The following SUN2 variants were observed in gnomAD, a reference collection of about 807,000 sequenced individuals.
SUN2 encodes the protein Sad1 and UNC84 domain containing 2, also known as SUN domain-containing protein 2.
A neutral mutation model predicts 100.0 loss-of-function variants in SUN2; 60 were observed. The ratio of observed to expected loss-of-function variants is 0.60; its 90% CI spans 0.49 to 0.74. SUN2 has a LOEUF of 0.74. Ranked by LOEUF, SUN2 falls within the 30% of genes least tolerant of loss-of-function variation. The pLI is 0.00. For synonymous variants in SUN2, 367 were observed against 403.3 expected, an observed-to-expected ratio of 0.91 and a Z score of 1.08; for missense variants, 834 against 954.6, an observed-to-expected ratio of 0.87 and a Z score of 1.66.
At position 38,737,695 on chromosome 22, in the gene SUN2, C is replaced by G. The variant is rs576632315; in HGVS notation, c.2040+478G>C. 8 of 357,312 alleles carry G rather than the reference C, an allele frequency of 2.2e-5. No individual in the cohort carries two copies. In the East Asian group the frequency reaches 5.9e-4, roughly 26 times the overall value. 22.1% of individuals were successfully genotyped at this position (357,312 alleles called of 1,614,324 possible). A position where few individuals can be genotyped will look rare whatever the true frequency, so the allele number is the denominator to read the frequency against. The stretch of plus-strand genomic sequence containing the variant: ...CAATGGTTTGTTCAAATGCAGGCTC[C>G]TGGGTCCTGTCAGCCCTAAGGAACC... On this transcript the variant is annotated intron_variant, in intron 17 of 17. Transcript: ENST00000689035. The surrounding 1 kb of genome is among the most constrained non-coding windows in gnomAD (Gnocchi z 4.1).
chr22:38,751,876 A>AG (rs1021838624), intron 2 of SUN2, among the ~76,000 whole-genome samples: 3 of 152,158 alleles, frequency 2.0e-5, no homozygotes, highest in Admixed American at 6.5e-5. Context: ...CGTCCAGAGC[A>AG]GGGGGGGTTC....
At chr22:38,748,018 A>T (rs1234961359) in intron 7 of SUN2, among the ~76,000 whole-genome samples, 1 of 151,766 alleles carries the variant, frequency 6.6e-6, no homozygotes, top group Non-Finnish European at 1.5e-5. Flanking sequence ...TGACTGGTGT[A>T]AAAAGAGGCA....
At chr22:38,753,739 C>T (rs1370956358) in intron 1 of SUN2, among the ~76,000 whole-genome samples, 1 of 152,118 alleles carries the variant, frequency 6.6e-6, no homozygotes, top group African/African-American at 2.4e-5. Flanking sequence ...TATCATTACT[C>T]CCATCTACAA....
intron 8 of SUN2, among the ~76,000 whole-genome samples, chr22:38,744,261 CAAAAAAAAAAAA>C (rs35027225): frequency 3.3e-5 from 2 of 60,708 alleles, no homozygotes; most frequent in Non-Finnish European, 6.4e-5. Context: ...GACTCTGTCT[CAAAAAAAAAAAA>C]AAAAAAAAAA....
chr22:38,746,505 G>T (rs938824358), intron 7 of SUN2, among the ~76,000 whole-genome samples: 2 of 152,186 alleles, frequency 1.3e-5, no homozygotes, highest in African/African-American at 4.8e-5. Flanking sequence ...AGCACCAGAG[G>T]TTGGCAGGTG....
intron 1 of SUN2, chr22:38,754,852 CCT>C (rs1330464631): frequency 2.0e-5 from 26 of 1,288,766 alleles, no homozygotes; most frequent in Non-Finnish European, 2.6e-5. Flanking sequence ...CCCAGAGATG[CCT>C]CTCAGTCTTT....
chr22:38,751,717 G>A (rs1209699544), intron 2 of SUN2, among the ~76,000 whole-genome samples: 1 of 152,254 alleles, frequency 6.6e-6, no homozygotes, highest in East Asian at 1.9e-4. Context: ...AGCCGGGCAG[G>A]ACGACCAGGC....
In SUN2 at chr22:38,737,021, AT is replaced by A. The variant is rs1336409493; in HGVS notation, c.2041-642del. On this transcript the variant is annotated intron_variant, in intron 17 of 17. Coordinates refer to ENST00000689035, the MANE Select transcript of SUN2 (RefSeq NM_015374.3). The surrounding 1 kb of genome is among the most constrained non-coding windows in gnomAD (Gnocchi z 4.1). ...ACCACACCCGGCTAAATTTTTTAAC[AT>A]TTTTTGTAGAGTCGGGATCTCGCTG... Among the ~76,000 whole-genome samples, 1 of 151,950 alleles carries A rather than the reference AT, an allele frequency of 6.6e-6. No homozygotes were observed. Among genetic ancestry groups the A allele is most frequent in the Non-Finnish European group, 1.5e-5 (1 of 67,968 alleles).
intron 6 of SUN2, 60 bp from the exon 7 acceptor site, chr22:38,748,843 C>A (rs1250180093): frequency 6.5e-7 from 1 of 1,531,224 alleles, no homozygotes; most frequent in Non-Finnish European, 9.1e-7. Flanking sequence ...CTCCAGGCCT[C>A]CACGTTCCAC....
At chr22:38,752,368 G>C (rs568209658) in intron 2 of SUN2, 139 bp downstream of exon 2, 1 of 1,069,334 alleles carries the variant, frequency 9.4e-7, no homozygotes, top group African/African-American at 1.6e-5. Context: ...CCCCTCGACC[G>C]GACGGGGGCC....
intron 9 of SUN2, among the ~76,000 whole-genome samples, chr22:38,741,854 G>T (rs1208239106): frequency 6.6e-6 from 1 of 152,216 alleles, no homozygotes; most frequent in East Asian, 1.9e-4. Flanking sequence ...TAGAGAAGGT[G>T]AGGAGGCCTG....
intron 7 of SUN2, among the ~76,000 whole-genome samples, chr22:38,747,221 A>G (rs561283553): frequency 8.6e-5 from 13 of 151,488 alleles, no homozygotes; most frequent in Admixed American, 2.6e-4. Flanking sequence ...AATCCCAGCT[A>G]CTCGGGAGGC....
At chr22:38,752,424 G>T in intron 2 of SUN2, 83 bp downstream of exon 2, 1 of 1,507,610 alleles carries the variant, frequency 6.6e-7, no homozygotes, top group South Asian at 1.3e-5. Flanking sequence ...AAGGCAGGGG[G>T]ATGGCTGGAC....
rs1285036282 is a variant in SUN2 at position 38,738,223 on chromosome 22, T to G, written c.1990A>C (p.Lys664Gln). 2 of 1,613,860 alleles carry G rather than the reference T, an allele frequency of 1.2e-6. No homozygotes were observed. The highest frequency in any genetic ancestry group is 1.7e-5 in the Admixed American group (1 of 60,010). ...TCGCCGTCCTGATCGTAAGTGAACT[T>G]GCCAAGGAGTGTCCCCTCCTGCTGC... ...DLQQEGTLLGKFTYDQDGEPI... is the reference protein window; with the variant it reads ...DLQQEGTLLGQFTYDQDGEPI... Residue 664 changes from lysine (K) to glutamine (Q), a missense_variant, in exon 17 of 18, where the codon AAG becomes CAG. Around this residue, in one of 3 missense-constraint regions of SUN2, gnomAD observed 80 missense variants for 76.7 expected, o/e 1.04. Coordinates refer to ENST00000689035, the MANE Select transcript of SUN2 (RefSeq NM_015374.3). This position sits in a 1 kb window ranked among gnomAD's most constrained non-coding sequence, Gnocchi z 6.6.
chr22:38,750,428 A>G (rs1406591270), intron 4 of SUN2, 108 bp from the exon 5 acceptor site: 1 of 1,537,976 alleles, frequency 6.5e-7, no homozygotes, highest in Non-Finnish European at 8.8e-7. Flanking sequence ...TCACATCCCC[A>G]CAGCCCCACA....
intron 10 of SUN2, 81 bp from the exon 11 acceptor site, chr22:38,741,131 C>T (rs778372584): frequency 2.4e-5 from 36 of 1,484,496 alleles, no homozygotes; most frequent in South Asian, 1.3e-4. Flanking sequence ...TGTCTGTTAG[C>T]GTCTTTGCTT....
At position 38,750,246 on chromosome 22, in the gene SUN2, A is replaced by G; in HGVS notation, c.499T>C (p.Trp167Arg). ...SAVSRAGSLLWMVATSPGRLF... is the reference protein window; with the variant it reads ...SAVSRAGSLLRMVATSPGRLF... ...CCACCTGGCGAAGTGGCCACCATCC[A>G]GAGTAAGGAGCCCGCCCGTGAGACG... Residue 167 changes from tryptophan (W) to arginine (R), a missense_variant, in exon 5 of 18, where the codon TGG (tryptophan) becomes CGG (arginine). Trp to Arg is a moderately radical substitution (Grantham distance 101). This residue lies in a region of SUN2 where 559 missense variants were observed against 597.7 expected (regional missense o/e 0.94). Transcript: ENST00000689035. 6.2e-7 allele frequency: 1 copy of G among 1,613,028 alleles called. No individual in the cohort carries two copies. The highest frequency in any genetic ancestry group is 8.5e-7 in the Non-Finnish European group (1 of 1,179,230).
Position 38,738,020 on chromosome 22 carries a change from C to T in SUN2, c.2040+153G>A. The T allele has an allele frequency of 1.3e-6, 1 of 755,308 alleles. No individual in the cohort carries two copies. Among genetic ancestry groups the T allele is most frequent in the Non-Finnish European group, 2.4e-6 (1 of 416,976 alleles). 46.8% of individuals were successfully genotyped at this position (755,308 alleles called of 1,614,324 possible). ...GCTGACGTCTGCAGGATGCGTGTTACACCCCATTTGGATATCACATCTTGA... is the reference window on the plus strand; with the variant it reads ...GCTGACGTCTGCAGGATGCGTGTTATACCCCATTTGGATATCACATCTTGA... On this transcript the variant is annotated intron_variant, in intron 17 of 17. Transcript: ENST00000689035. The surrounding 1 kb of genome is among the most constrained non-coding windows in gnomAD (Gnocchi z 6.6).
chr22:38,755,610 G>T lies in SUN2; in HGVS notation c.-38+153C>A. On this transcript the variant is annotated intron_variant, in intron 1 of 17. Coordinates refer to ENST00000689035, the MANE Select transcript of SUN2 (RefSeq NM_015374.3). The surrounding 1 kb of genome is among the most constrained non-coding windows in gnomAD (Gnocchi z 5.7). ...CAGGAGGTGAGTCAGGGCGCGGGCC[G>T]CGGACCCGGGTGGAGGCTGGATCCG... 1 of 939,100 alleles carries T rather than the reference G, an allele frequency of 1.1e-6. No individual in the cohort carries two copies. The highest frequency in any genetic ancestry group is 1.3e-6 in the Non-Finnish European group (1 of 787,490). The allele number at this position is 939,100 out of a possible 1,614,324, so 58.2% of individuals were successfully genotyped here.
Sources: allele counts gnomAD v4.1 joint callset (sites outside exome capture counted in the v4.1 genomes callset), GRCh38; gene constraint gnomAD v4.1.1; regional missense constraint gnomAD v4.1.1; non-coding constraint Gnocchi (gnomAD v3.1); transcripts MANE v1.5; gene names NCBI Gene and HGNC (gene_info 2026-07-23, HGNC 2026-07-21).